DLG2: variants seen among roughly 807,000 people sequenced by gnomAD.
DLG2 encodes the protein discs large MAGUK scaffold protein 2.
Under a neutral mutation model 132.5 loss-of-function variants are expected in DLG2, and 45 were observed. The observed-to-expected ratio is 0.34, with a 90% CI of 0.27 to 0.44. DLG2 has a LOEUF of 0.44. Ranked by LOEUF, DLG2 falls within the 20% of genes least tolerant of loss-of-function variation. The pLI, the probability that DLG2 is intolerant of heterozygous loss-of-function variation, is 1.00. For missense variants in DLG2, 1,045 were observed against 1,196.9 expected (o/e 0.87, Z 1.87); for synonymous variants, 424 against 419.6 (o/e 1.01, Z -0.13).
Position 84,530,732 on chromosome 11 carries a change from T to C in DLG2, c.519+3838A>G, listed in dbSNP as rs375433075. ...CAGTTTGACAATTTCTCAAATAACT[T>C]AAAACAGAACTGTCATTCGACCAAG... On this transcript the variant is annotated intron_variant, in intron 7 of 27. Transcript: ENST00000376104. Among the ~76,000 whole-genome samples the C allele has an allele frequency of 1.0e-3, 157 of 152,314 alleles. 2 individuals carry two copies. The South Asian group carries it at 0.031, about 30-fold the overall frequency.
intron 3 of DLG2, among the ~76,000 whole-genome samples, chr11:85,457,355 A>G (rs2092456594): frequency 6.6e-6 from 1 of 152,036 alleles, no homozygotes; most frequent in Admixed American, 6.5e-5. Flanking sequence ...GGGTCTCCTG[A>G]AGACAGCATA....
chr11:85,372,064 A>C (rs1319867130), intron 3 of DLG2, among the ~76,000 whole-genome samples: 1 of 152,196 alleles, frequency 6.6e-6, no homozygotes, highest in Non-Finnish European at 1.5e-5. Context: ...TTTTGTCTAC[A>C]TTTTAGACTA....
At chr11:85,509,050 T>G (rs1177948917) in intron 3 of DLG2, among the ~76,000 whole-genome samples, 1 of 152,188 alleles carries the variant, frequency 6.6e-6, no homozygotes, top group East Asian at 1.9e-4. Context: ...GTTTTTATTG[T>G]GAAATGCTGC....
chr11:84,441,131 A>AG (rs2099016046), intron 7 of DLG2, among the ~76,000 whole-genome samples: 1 of 115,952 alleles, frequency 8.6e-6, no homozygotes, highest in Non-Finnish European at 1.6e-5. Context: ...TGATGTTAGT[A>AG]AATTATTATT....
At chr11:84,255,051 C>T in intron 7 of DLG2, among the ~76,000 whole-genome samples, 1 of 150,986 alleles carries the variant, frequency 6.6e-6, no homozygotes. Flanking sequence ...TGCCCTGCTC[C>T]AGGACCTTCA....
chr11:83,770,954 A>G (rs974178221), intron 18 of DLG2, among the ~76,000 whole-genome samples: 1 of 152,198 alleles, frequency 6.6e-6, no homozygotes, highest in Admixed American at 6.5e-5. Flanking sequence ...TCTTGAATCT[A>G]TTAGAAGGAG....
intron 16 of DLG2, among the ~76,000 whole-genome samples, chr11:83,870,676 C>G (rs1484836642): frequency 6.6e-6 from 1 of 152,150 alleles, no homozygotes; most frequent in Non-Finnish European, 1.5e-5. Context: ...TCAATTTTTT[C>G]TGAGAAGAAG....
Position 84,837,024 on chromosome 11 carries a change from C to A in DLG2, c.357+274637G>T, listed in dbSNP as rs2079899837. On this transcript the variant is annotated intron_variant, in intron 6 of 27. Transcript: ENST00000376104. ...ATCCCTCCCGCCTCTCCCCACCCCACAACAGGCCCCAGTGTGTGATGTTCC... is the reference window on the plus strand; with the variant it reads ...ATCCCTCCCGCCTCTCCCCACCCCAAAACAGGCCCCAGTGTGTGATGTTCC... Among the ~76,000 whole-genome samples the A allele has an allele frequency of 3.3e-5, 5 of 151,930 alleles. No homozygotes were observed. The South Asian group carries it at 1.0e-3, about 32-fold the overall frequency.
intron 7 of DLG2, among the ~76,000 whole-genome samples, chr11:84,306,117 AAAT>A (rs1369830239): frequency 1.3e-5 from 2 of 151,782 alleles, no homozygotes; most frequent in Non-Finnish European, 2.9e-5. Flanking sequence ...AAAGTAGTTA[AAAT>A]AATAGATTTC....
chr11:85,017,390 T>A (rs2059664569), intron 6 of DLG2, among the ~76,000 whole-genome samples: 1 of 151,912 alleles, frequency 6.6e-6, no homozygotes, highest in African/African-American at 2.4e-5. Context: ...TGTAACCTGA[T>A]TTTTGCCCCT....
intron 18 of DLG2, among the ~76,000 whole-genome samples, chr11:83,663,428 C>T (rs935723898): frequency 6.6e-6 from 1 of 152,102 alleles, no homozygotes; most frequent in Non-Finnish European, 1.5e-5. Context: ...CAGCTGAAAA[C>T]CTCTCTATAC....
chr11:83,506,145 G>C (rs1053992804), intron 21 of DLG2, among the ~76,000 whole-genome samples: 1 of 152,166 alleles, frequency 6.6e-6, no homozygotes, highest in Non-Finnish European at 1.5e-5. Flanking sequence ...TGGATGACCC[G>C]TAGTCAAACG....
At chr11:84,206,684 TCTTTATA>T (rs1225426020) in intron 8 of DLG2, among the ~76,000 whole-genome samples, 1 of 152,034 alleles carries the variant, frequency 6.6e-6, no homozygotes, top group Non-Finnish European at 1.5e-5. Context: ...TCGGACAGTA[TCTTTATA>T]CCTATTTGTG....
intron 14 of DLG2, among the ~76,000 whole-genome samples, chr11:83,955,218 C>T (rs2086530746): frequency 6.6e-6 from 1 of 152,122 alleles, no homozygotes; most frequent in Non-Finnish European, 1.5e-5. Flanking sequence ...TTATAAACGG[C>T]AACACAGAGG....
intron 7 of DLG2, among the ~76,000 whole-genome samples, chr11:84,315,114 T>G (rs1292818906): frequency 6.6e-6 from 1 of 152,160 alleles, no homozygotes; most frequent in African/African-American, 2.4e-5. Flanking sequence ...CCTCAATTTG[T>G]TGCCTTCTTA....
At chr11:84,749,821 T>A (rs1031277399) in intron 6 of DLG2, among the ~76,000 whole-genome samples, 3 of 152,152 alleles carry the variant, frequency 2.0e-5, no homozygotes, top group African/African-American at 7.2e-5. Flanking sequence ...GCTGTTGGTT[T>A]CCTCTACGTG....
At chr11:83,503,469 A>C (rs1285416437) in intron 21 of DLG2, among the ~76,000 whole-genome samples, 3 of 147,264 alleles carry the variant, frequency 2.0e-5, no homozygotes, top group African/African-American at 7.5e-5. Context: ...ACACACATAT[A>C]TTATTAAGTA....
At chr11:84,686,686 A>C (rs1303144414) in intron 6 of DLG2, 1 of 151,304 alleles carries the variant, frequency 6.6e-6, no homozygotes, top group Non-Finnish European at 1.5e-5. Flanking sequence ...AATAGCCTAA[A>C]AACATTCATC....
intron 15 of DLG2, among the ~76,000 whole-genome samples, chr11:83,922,931 AG>A: frequency 6.6e-6 from 1 of 152,340 alleles, no homozygotes; most frequent in South Asian, 2.1e-4. Context: ...CATGTAAGAC[AG>A]AAATACCACT....
Sources: gnomAD v4.1 joint callset for allele counts (sites outside exome capture counted in the v4.1 genomes callset) on GRCh38, gnomAD v4.1.1 for gene constraint, MANE v1.5 for transcripts, NCBI Gene and HGNC (gene_info 2026-07-23, HGNC 2026-07-21) for gene names.